SPECC1: variants seen among roughly 807,000 people sequenced by gnomAD.
SPECC1 encodes cytospin-B.
In SPECC1, 62 loss-of-function variants were observed where a neutral mutation model predicts 104.1. The observed-to-expected ratio is 0.60, with a 90% CI of 0.49 to 0.74. SPECC1 has a LOEUF of 0.74. Ranked by LOEUF, SPECC1 falls within the 30% of genes least tolerant of loss-of-function variation. The pLI is 0.00. For synonymous variants in SPECC1, 513 were observed against 501.6 expected (o/e 1.02, Z -0.30); for missense variants, 1,306 against 1,310.5 (o/e 1.00, Z 0.05).
rs775215023 is a variant in SPECC1, at chr17:20,204,663, C to G, written c.614C>G (p.Thr205Ser). 17 of 1,613,860 alleles carry G rather than the reference C, an allele frequency of 1.1e-5. No homozygotes were observed. The African/African-American group carries it at 2.1e-4, about 20-fold the overall frequency. The change falls in exon 4 of 15, where the codon ACT (threonine) becomes AGT (serine). Residue 205 changes from threonine (T) to serine (S), a missense_variant. Coordinates refer to ENST00000395527, the MANE Select transcript of SPECC1 (RefSeq NM_001243439.2). ...KEKRTLNAEG[T>S]DALGPNVDGT... is the part of the protein sequence containing the mutation. ...AAAAGGACTCTGAACGCTGAGGGGA[C>G]TGATGCTTTGGGCCCAAATGTCGAT...
chr17:20,081,330 A>G (rs1342730808), intron 1 of SPECC1, among the ~76,000 whole-genome samples: 1 of 152,044 alleles, frequency 6.6e-6, no homozygotes, highest in Non-Finnish European at 1.5e-5. Flanking sequence ...GAGCAAACAA[A>G]TGAATGAGAC....
At chr17:20,270,431 AC>A (rs1359194738) in intron 12 of SPECC1, among the ~76,000 whole-genome samples, 113 of 78,148 alleles carry the variant, frequency 1.4e-3, no homozygotes, top group Admixed American at 2.2e-3. Context: ...CCCTGTCTTT[AC>A]CAAAAAAAAA....
At chr17:20,257,734 A>C in intron 11 of SPECC1, 127 bp downstream of exon 11, 1 of 1,249,952 alleles carries the variant, frequency 8.0e-7, no homozygotes, top group Non-Finnish European at 1.1e-6. Context: ...TGACTAAGAC[A>C]CTGTGCCTGC....
chr17:20,067,515 C>T (rs1371604935), intron 1 of SPECC1: 1 of 152,110 alleles, frequency 6.6e-6, no homozygotes, highest in Non-Finnish European at 1.5e-5. Flanking sequence ...GCTCCTACTG[C>T]ATACACTTTA....
chr17:20,115,529 G>C (rs960107887), intron 3 of SPECC1, among the ~76,000 whole-genome samples: 1 of 151,856 alleles, frequency 6.6e-6, no homozygotes, highest in African/African-American at 2.4e-5. Flanking sequence ...AAATATTAGT[G>C]CATAGGATTC....
At chr17:20,212,471 A>G (rs985268800) in intron 4 of SPECC1, among the ~76,000 whole-genome samples, 1 of 152,236 alleles carries the variant, frequency 6.6e-6, no homozygotes, top group Admixed American at 6.5e-5. Context: ...CACATCTCAC[A>G]TGGTGGCAGA....
intron 12 of SPECC1, among the ~76,000 whole-genome samples, chr17:20,295,014 CTATTATTAT>C (rs34174703): frequency 0.038 from 5,742 of 149,312 alleles, 350 homozygotes; most frequent in African/African-American, 0.13. Context: ...AGATTCCCAT[CTATTATTAT>C]TATTATTATT....
chr17:20,111,762 G>A (rs1346906023), intron 3 of SPECC1: 1 of 744,152 alleles, frequency 1.3e-6, no homozygotes, highest in South Asian at 1.4e-5. Context: ...GGAGAAAAAG[G>A]TGGGAGGAGG....
At chr17:20,257,955 T>C (rs544843904) in intron 11 of SPECC1, among the ~76,000 whole-genome samples, 1 of 152,324 alleles carries the variant, frequency 6.6e-6, no homozygotes, top group South Asian at 2.1e-4. Flanking sequence ...GGTGGTGTCA[T>C]GTGTCTGAAC....
intron 3 of SPECC1, among the ~76,000 whole-genome samples, chr17:20,126,025 C>A (rs1054539854): frequency 3.3e-5 from 5 of 152,140 alleles, no homozygotes; most frequent in Non-Finnish European, 5.9e-5. Context: ...CCTGGGTCCT[C>A]CCTGGGTGCC....
chr17:20,023,722 TAA>T (rs1382266302), intron 1 of SPECC1, among the ~76,000 whole-genome samples: 1 of 151,798 alleles, frequency 6.6e-6, no homozygotes. Flanking sequence ...AGACTCTGAA[TAA>T]AAAATCCACA....
intron 1 of SPECC1, among the ~76,000 whole-genome samples, chr17:20,067,861 C>T (rs2046412425): frequency 6.6e-6 from 1 of 152,170 alleles, no homozygotes; most frequent in Admixed American, 6.5e-5. Flanking sequence ...AGTTACCACC[C>T]TTCCATCGCT....
At chr17:20,153,181 G>A (rs1013243033) in intron 3 of SPECC1, among the ~76,000 whole-genome samples, 7 of 152,172 alleles carry the variant, frequency 4.6e-5, no homozygotes, top group African/African-American at 1.7e-4. Context: ...TGTTGAAACC[G>A]ACGGAATATA....
chr17:20,228,204 TG>T (rs1228089396), intron 5 of SPECC1, among the ~76,000 whole-genome samples: 10 of 152,212 alleles, frequency 6.6e-5, no homozygotes, highest in Non-Finnish European at 1.0e-4. Context: ...CTTTTCATTT[TG>T]TTTTTTTTAA....
At chr17:20,242,353 C>T (rs2039239791) in intron 7 of SPECC1, among the ~76,000 whole-genome samples, 1 of 152,160 alleles carries the variant, frequency 6.6e-6, no homozygotes, top group Non-Finnish European at 1.5e-5. Context: ...GCTTAAATGA[C>T]AAGGTGAGGC....
At chr17:20,196,393 T>C (rs2036036227) in intron 3 of SPECC1, among the ~76,000 whole-genome samples, 1 of 152,234 alleles carries the variant, frequency 6.6e-6, no homozygotes, top group Non-Finnish European at 1.5e-5. Context: ...CTCTCCAGCA[T>C]AGCTAGGGGG....
chr17:20,054,673 TC>T (rs1011762771), intron 1 of SPECC1, among the ~76,000 whole-genome samples: 7 of 152,134 alleles, frequency 4.6e-5, no homozygotes, highest in Non-Finnish European at 1.0e-4. Context: ...ATATTCTTTT[TC>T]TTTTTTTGGG....
rs1204714551 is a variant in SPECC1, at chr17:20,203,137, C to T, written c.284-1196C>T. On this transcript the variant is annotated intron_variant, in intron 3 of 14. Transcript: ENST00000395527. ...TGCTGCCAGTCTATGGGAACATTCC[C>T]TCCCGTGCCCTTCCTACACTGTAGA... 1.3e-5 allele frequency among the ~76,000 whole-genome samples: 2 copies of T among 152,086 alleles called. 1 individual carries two copies. The highest frequency in any genetic ancestry group is 4.8e-5 in the African/African-American group (2 of 41,436).
chr17:20,292,976 C>T (rs937873627), intron 12 of SPECC1, among the ~76,000 whole-genome samples: 2 of 152,186 alleles, frequency 1.3e-5, no homozygotes, highest in African/African-American at 4.8e-5. Context: ...CTGGGGCCCA[C>T]CAGGGTCATC....
Sources: allele counts gnomAD v4.1 joint callset (sites outside exome capture counted in the v4.1 genomes callset), GRCh38; gene constraint gnomAD v4.1.1; transcripts MANE v1.5; gene names NCBI Gene and HGNC (gene_info 2026-07-23, HGNC 2026-07-21).